MPPED1: variants seen among roughly 807,000 people sequenced by gnomAD.
MPPED1 encodes the protein metallophosphoesterase domain-containing protein 1.
In MPPED1, 16 loss-of-function variants were observed where a neutral mutation model predicts 36.2. That is an observed-to-expected ratio of 0.44 (90% CI 0.30 to 0.67). The LOEUF (loss-of-function observed/expected upper bound fraction) is 0.67. Among genes scored for constraint, MPPED1 ranks in the 30% least tolerant of loss-of-function variants. MPPED1 has a pLI of 0.10. For synonymous variants in MPPED1, 199 were observed against 191.3 expected, an observed-to-expected ratio of 1.04 and a Z score of -0.33; for missense variants, 307 against 453.4, an observed-to-expected ratio of 0.68 and a Z score of 2.93.
chr22:43,459,814 C>A (rs1481276097), intron 3 of MPPED1, among the ~76,000 whole-genome samples: 1 of 152,172 alleles, frequency 6.6e-6, no homozygotes, highest in African/African-American at 2.4e-5. Context: ...GTTATATCCA[C>A]CATCTGGGTT....
At chr22:43,449,431 GC>G (rs902702389) in intron 3 of MPPED1, among the ~76,000 whole-genome samples, 3 of 72,170 alleles carry the variant, frequency 4.2e-5, no homozygotes, top group African/African-American at 1.1e-4. Context: ...AACCCCCCCC[GC>G]CCCCCCTCCA....
Position 43,474,938 on chromosome 22 carries a change from C to T in MPPED1, c.609C>T (p.Gly203=), listed in dbSNP as rs1308852218. The change falls in exon 4 of 7, where the codon GGC becomes GGT. Residue 203 remains glycine, a synonymous_variant. Coordinates refer to ENST00000443721, the MANE Select transcript of MPPED1 (RefSeq NM_001044370.2). The surrounding 1 kb of genome is among the most constrained non-coding windows in gnomAD (Gnocchi z 5.2). The stretch of plus-strand genomic sequence containing the variant: ...AGGACTCGGAGGTCACCGTGCGGGG[C>T]TTCCGGATCTATGGCTCCCCATGGT... The part of the protein sequence containing the change: ...YLQDSEVTVR[G]FRIYGSPWQP... 1 of 1,613,986 alleles carries T rather than the reference C, an allele frequency of 6.2e-7. No homozygotes were observed. The highest frequency in any genetic ancestry group is 2.2e-5 in the East Asian group (1 of 44,886).
At chr22:43,417,980 C>A (rs368063146) in intron 1 of MPPED1, 11 of 449,430 alleles carry the variant, frequency 2.4e-5, no homozygotes, top group Middle Eastern at 3.3e-4. Context: ...TCTCTGGAAG[C>A]TTCTCATGCT....
chr22:43,454,202 T>C (rs1472314754), intron 3 of MPPED1, among the ~76,000 whole-genome samples: 2 of 151,976 alleles, frequency 1.3e-5, no homozygotes, highest in Non-Finnish European at 2.9e-5. Context: ...AGAGAGGGGG[T>C]TTCACTGCGT....
At chr22:43,485,814 T>C (rs28517761) in intron 4 of MPPED1, among the ~76,000 whole-genome samples, 42,329 of 152,238 alleles carry the variant, frequency 0.28, 9,335 homozygotes, top group African/African-American at 0.61. Flanking sequence ...CAAAGGACCC[T>C]GTTCTTCGGT....
At chr22:43,435,363 T>G in intron 3 of MPPED1, 148 bp downstream of exon 3, 1 of 779,746 alleles carries the variant, frequency 1.3e-6, no homozygotes. Flanking sequence ...CCCTGACCTC[T>G]CAGAGCAGGT....
At chr22:43,441,676 A>G (rs935945198) in intron 3 of MPPED1, among the ~76,000 whole-genome samples, 8 of 152,238 alleles carry the variant, frequency 5.3e-5, no homozygotes, top group African/African-American at 1.9e-4. Flanking sequence ...AACACGATAT[A>G]TGAGACAATA....
intron 4 of MPPED1, among the ~76,000 whole-genome samples, chr22:43,482,437 C>T (rs1163434998): frequency 6.6e-6 from 1 of 152,232 alleles, no homozygotes; most frequent in Non-Finnish European, 1.5e-5. Flanking sequence ...GGCAGTGGTG[C>T]CAGGATGCCC....
intron 3 of MPPED1, among the ~76,000 whole-genome samples, chr22:43,461,077 G>C (rs1228130694): frequency 6.6e-6 from 1 of 152,184 alleles, no homozygotes; most frequent in African/African-American, 2.4e-5. Context: ...ACAAAGACAA[G>C]TCCTGGCTGG....
intron 4 of MPPED1, among the ~76,000 whole-genome samples, chr22:43,478,859 T>C (rs547932301): frequency 5.3e-4 from 81 of 151,942 alleles, no homozygotes; most frequent in Non-Finnish European, 9.4e-4. Context: ...TCCCAGTAAG[T>C]GGGAAGGTGA....
chr22:43,499,327 AGGT>A lies in MPPED1; in HGVS notation c.748+989_748+991del, dbSNP rs1219929286. ...GTGGTGATAGAAGTGGTGACGTGGG[AGGT>A]GGTGGTGGTGGGAGGTAGTGATGGT... is the stretch of plus-strand genomic sequence containing the variant. On this transcript the variant is annotated intron_variant, in intron 5 of 6. Coordinates refer to ENST00000443721, the MANE Select transcript of MPPED1 (RefSeq NM_001044370.2). Among the ~76,000 whole-genome samples the A allele has an allele frequency of 1.4e-4, 8 of 57,230 alleles. 1 individual carries two copies. The highest frequency in any genetic ancestry group is 2.4e-4 in the Admixed American group (1 of 4,200). The allele number at this position is 57,230 out of a possible 152,430, so 37.5% of individuals were successfully genotyped here.
intron 5 of MPPED1, among the ~76,000 whole-genome samples, chr22:43,499,047 T>G (rs1602023417): frequency 6.6e-6 from 1 of 151,716 alleles, no homozygotes; most frequent in East Asian, 1.9e-4. Flanking sequence ...GTGGAGGTGG[T>G]GGTGATGGAG....
chr22:43,467,740 A>G (rs1464351923), intron 3 of MPPED1, among the ~76,000 whole-genome samples: 1 of 151,906 alleles, frequency 6.6e-6, no homozygotes, highest in African/African-American at 2.4e-5. Context: ...GTTCTGCGAG[A>G]TGGGAATGGG....
Position 43,474,899 on chromosome 22 carries a change from C to T in MPPED1, c.570C>T (p.Asn190=). ...NYENVQSLLT[N]CIYLQDSEVT... The stretch of plus-strand genomic sequence containing the variant: ...AGAATGTGCAGTCGCTGCTGACCAA[C>T]TGCATCTACCTTCAGGACTCGGAGG... The change falls in exon 4 of 7, where the codon AAC becomes AAT. Residue 190 remains asparagine, a synonymous_variant. Coordinates refer to ENST00000443721, the MANE Select transcript of MPPED1 (RefSeq NM_001044370.2). This position sits in a 1 kb window ranked among gnomAD's most constrained non-coding sequence, Gnocchi z 5.2. 3 of 1,614,050 alleles carry T rather than the reference C, an allele frequency of 1.9e-6. No individual in the cohort carries two copies. The highest frequency in any genetic ancestry group is 2.5e-6 in the Non-Finnish European group (3 of 1,179,904).
chr22:43,444,295 TGTGTGTG>T (rs1930256448), intron 3 of MPPED1, among the ~76,000 whole-genome samples: 1 of 87,998 alleles, frequency 1.1e-5, no homozygotes, highest in Non-Finnish European at 3.0e-5. Flanking sequence ...TGTGTGTGTG[TGTGTGTG>T]TGTGTGTGTG....
rs1174612001 is a variant in MPPED1, at chr22:43,495,507, T to A, written c.633-2728T>A. On this transcript the variant is annotated intron_variant, in intron 4 of 6. Transcript: ENST00000443721. ...GTGGTGGAGGTAGTGGTGGTGGAGG[T>A]GGTGGTGGTGGTGGAGGTGGTGGTG... Among the ~76,000 whole-genome samples the A allele has an allele frequency of 1.1e-4, 7 of 61,420 alleles. 1 individual carries two copies. Among genetic ancestry groups the A allele is most frequent in the Non-Finnish European group, 1.6e-4 (5 of 32,180 alleles). The allele number at this position is 61,420 out of a possible 152,430, so 40.3% of individuals were successfully genotyped here. A position where few individuals can be genotyped will look rare whatever the true frequency, so the allele number is the denominator to read the frequency against.
rs114665013 is a variant in MPPED1, at chr22:43,459,632, T to C, written c.407-15104T>C. On this transcript the variant is annotated intron_variant, in intron 3 of 6. Transcript: ENST00000443721. Reference sequence around the variant, plus strand: ...TTGAGACCCTCTAATGAAAATGTTGTTTTAGGTATTTTACTTTTCAACTCC... The same window carrying C: ...TTGAGACCCTCTAATGAAAATGTTGCTTTAGGTATTTTACTTTTCAACTCC... 8.5e-3 allele frequency among the ~76,000 whole-genome samples: 1,293 copies of C among 152,332 alleles called. 16 individuals are homozygous for C. Among genetic ancestry groups the C allele is most frequent in the African/African-American group, 0.03 (1,233 of 41,562 alleles).
At position 43,412,087 on chromosome 22, in the gene MPPED1, G is replaced by A; in HGVS notation, c.-150G>A. On this transcript the variant is annotated 5_prime_UTR_variant, in exon 1 of 7. Coordinates refer to ENST00000443721, the MANE Select transcript of MPPED1 (RefSeq NM_001044370.2). ...CCGCCCCTGCGCGCCTCCCTCCCGGGAGCCCCTGCCTCCCTCGGTGCGCGC... is the reference window on the plus strand; with the variant it reads ...CCGCCCCTGCGCGCCTCCCTCCCGGAAGCCCCTGCCTCCCTCGGTGCGCGC... The A allele has an allele frequency of 2.0e-6, 2 of 979,618 alleles. No homozygotes were observed. Among genetic ancestry groups the A allele is most frequent in the Non-Finnish European group, 2.4e-6 (2 of 827,680 alleles). 60.7% of individuals were successfully genotyped at this position (979,618 alleles called of 1,614,324 possible).
intron 3 of MPPED1, among the ~76,000 whole-genome samples, chr22:43,441,926 C>T (rs8135300): frequency 0.045 from 6,783 of 152,254 alleles, 200 homozygotes; most frequent in Non-Finnish European, 0.066. Flanking sequence ...GGGCGCCTGC[C>T]GGCGGAATGG....
Sources: allele counts gnomAD v4.1 joint callset (sites outside exome capture counted in the v4.1 genomes callset), GRCh38; gene constraint gnomAD v4.1.1; non-coding constraint Gnocchi (gnomAD v3.1); transcripts MANE v1.5; gene names NCBI Gene and HGNC (gene_info 2026-07-23, HGNC 2026-07-21).